CCR3: variants seen among roughly 807,000 people sequenced by gnomAD.
CCR3 encodes the protein C-C chemokine receptor type 3.
For missense variants in CCR3, 419 were observed against 437.5 expected, an observed-to-expected ratio of 0.96 and a Z score of 0.38; for synonymous variants, 203 against 179.2, an observed-to-expected ratio of 1.13 and a Z score of -1.06.
At chr3:46,249,614 G>C (rs967449678) in intron 1 of CCR3, among the ~76,000 whole-genome samples, 2 of 152,192 alleles carry the variant, frequency 1.3e-5, no homozygotes, top group African/African-American at 4.8e-5. Flanking sequence ...AGAGCCTTGG[G>C]CCAGAGTTCC....
intron 1 of CCR3, among the ~76,000 whole-genome samples, chr3:46,249,607 G>T: frequency 6.6e-6 from 1 of 152,220 alleles, no homozygotes; most frequent in East Asian, 1.9e-4. Flanking sequence ...CAGTCAGAGA[G>T]CCTTGGGCCA....
chr3:46,220,596 C>T (rs930856544), intron 2 of CCR3, among the ~76,000 whole-genome samples: 1 of 152,096 alleles, frequency 6.6e-6, no homozygotes, highest in Non-Finnish European at 1.5e-5. Context: ...AAATATGGAA[C>T]CAAAGTAAAT....
At position 46,266,280 on chromosome 3, in the gene CCR3, C is replaced by T. The variant is rs1700633532; in HGVS notation, c.*54C>T. 4 of 1,151,738 alleles carry T rather than the reference C, an allele frequency of 3.5e-6. No individual in the cohort carries two copies. The Admixed American group carries it at 8.2e-5, about 24-fold the overall frequency. The allele number at this position is 1,151,738 out of a possible 1,614,324, so 71.3% of individuals were successfully genotyped here. ...AAGGACCAAGGAGATGAAGCAAACA[C>T]ATTAAGCCTTCCACACTCACCTCTA... On this transcript the variant is annotated 3_prime_UTR_variant, in exon 2 of 2. Transcript: ENST00000395940.
At chr3:46,233,797 G>A (rs1263261359) in intron 2 of CCR3, among the ~76,000 whole-genome samples, 1 of 152,204 alleles carries the variant, frequency 6.6e-6, no homozygotes, top group African/African-American at 2.4e-5. Flanking sequence ...TTTGGCTGAA[G>A]GGCAACAGGC....
chr3:46,218,194 A>G (rs538092669), intron 2 of CCR3, among the ~76,000 whole-genome samples: 1 of 152,218 alleles, frequency 6.6e-6, no homozygotes, highest in East Asian at 1.9e-4. Flanking sequence ...AAGCAAACTT[A>G]TGTGCACAAA....
At chr3:46,256,423 C>CA (rs34918256) in intron 1 of CCR3, among the ~76,000 whole-genome samples, 65,272 of 151,652 alleles carry the variant, frequency 0.43, 15,075 homozygotes, top group East Asian at 0.64. Context: ...ATTTTAAATC[C>CA]AAAACCACAA....
intron 2 of CCR3, among the ~76,000 whole-genome samples, chr3:46,212,226 G>A (rs748378564): frequency 2.4e-4 from 37 of 152,242 alleles, no homozygotes; most frequent in Non-Finnish European, 4.7e-4. Flanking sequence ...TTTTAGGTTC[G>A]GTGGCTACAT....
chr3:46,243,725 T>C (rs1036619308), intron 1 of CCR3, among the ~76,000 whole-genome samples: 3 of 152,144 alleles, frequency 2.0e-5, no homozygotes, highest in African/African-American at 7.2e-5. Flanking sequence ...CCACGCAGGA[T>C]GAGTTAGCTC....
upstream of CCR3, among the ~76,000 whole-genome samples, chr3:46,241,166 G>GCGCT (rs111455051): frequency 2.7e-4 from 41 of 149,320 alleles, no homozygotes; most frequent in African/African-American, 7.9e-4. Context: ...ATGTGTGTGC[G>GCGCT]CTCTCTCTCT....
chr3:46,243,956 T>C (rs1700144978), intron 1 of CCR3, among the ~76,000 whole-genome samples: 1 of 152,220 alleles, frequency 6.6e-6, no homozygotes, highest in Non-Finnish European at 1.5e-5. Context: ...TAATTTTTTC[T>C]TTCTTTTAGA....
chr3:46,246,218 G>A (rs897289271), intron 1 of CCR3, among the ~76,000 whole-genome samples: 20 of 152,128 alleles, frequency 1.3e-4, no homozygotes, highest in African/African-American at 4.6e-4. Context: ...TCTTTCATTT[G>A]TCAGGCATCA....
chr3:46,265,216 G>A lies in CCR3; in HGVS notation c.58G>A (p.Val20Met), dbSNP rs145868328. The change falls in exon 2 of 2, where the codon GTG becomes ATG. Residue 20 changes from valine to methionine, a missense_variant. By Grantham distance (21) the Val-to-Met change is conservative. Transcript: ENST00000395940. ...TGGTACCACATCCTACTATGATGAC[G>A]TGGGCCTGCTCTGTGAAAAAGCTGA... The part of the protein sequence containing the change: ...TFGTTSYYDD[V>M]GLLCEKADTR... The A allele has an allele frequency of 1.0e-4, 161 of 1,614,034 alleles. 1 individual carries two copies. Among genetic ancestry groups the A allele is most frequent in the Middle Eastern group, 8.3e-4 (5 of 6,056 alleles).
chr3:46,236,639 C>G (rs376410084), intron 2 of CCR3, among the ~76,000 whole-genome samples: 5 of 152,264 alleles, frequency 3.3e-5, no homozygotes, highest in African/African-American at 1.2e-4. Context: ...TGCTGGCCCT[C>G]TTGGGACTGC....
At chr3:46,233,233 G>A (rs1699986277) in intron 2 of CCR3, among the ~76,000 whole-genome samples, 1 of 152,208 alleles carries the variant, frequency 6.6e-6, no homozygotes, top group South Asian at 2.1e-4. Flanking sequence ...GGGCCCTGCT[G>A]GCTACAAAAG....
At chr3:46,232,944 T>C (rs1699982892) in intron 2 of CCR3, among the ~76,000 whole-genome samples, 1 of 152,242 alleles carries the variant, frequency 6.6e-6, no homozygotes, top group African/African-American at 2.4e-5. Flanking sequence ...GCAATTCTCC[T>C]GCCTCAGTCT....
chr3:46,235,994 C>A (rs1700020226), intron 2 of CCR3, among the ~76,000 whole-genome samples: 1 of 152,134 alleles, frequency 6.6e-6, no homozygotes, highest in South Asian at 2.1e-4. Flanking sequence ...TATCCCTTTT[C>A]TCTTGATGTC....
chr3:46,246,612 G>A (rs1700196221), intron 1 of CCR3, among the ~76,000 whole-genome samples: 1 of 152,050 alleles, frequency 6.6e-6, no homozygotes, highest in Non-Finnish European at 1.5e-5. Context: ...CAGTTAAGGT[G>A]GGGCAGGGCA....
At chr3:46,231,123 C>T (rs904586941) in intron 2 of CCR3, among the ~76,000 whole-genome samples, 1 of 152,128 alleles carries the variant, frequency 6.6e-6, no homozygotes. Context: ...AGGGGTTTCA[C>T]CATGTTGGCC....
chr3:46,218,315 A>C (rs1205214511), intron 2 of CCR3, among the ~76,000 whole-genome samples: 1 of 150,320 alleles, frequency 6.7e-6, no homozygotes, highest in Non-Finnish European at 1.5e-5. Flanking sequence ...GCAAGATTAA[A>C]ATGGTAATTT....
Sources: allele counts gnomAD v4.1 joint callset (sites outside exome capture counted in the v4.1 genomes callset), GRCh38; gene constraint gnomAD v4.1.1; transcripts MANE v1.5; gene names NCBI Gene and HGNC (gene_info 2026-07-23, HGNC 2026-07-21).